SLC35F4: variants seen among roughly 807,000 people sequenced by gnomAD.
SLC35F4 encodes the protein solute carrier family 35 member F4, also known as chromosome 14 open reading frame 36.
SLC35F4 carries 24 observed loss-of-function variants against 44.2 expected under a neutral mutation model. That is an observed-to-expected ratio of 0.54 (90% CI 0.39 to 0.76). The LOEUF is 0.76. Ranked by LOEUF, SLC35F4 falls within the 30% of genes least tolerant of loss-of-function variation. SLC35F4 has a pLI of 0.00. For missense variants in SLC35F4, 562 were observed against 586.1 expected, an observed-to-expected ratio of 0.96 and a Z score of 0.42; for synonymous variants, 238 against 223.6, an observed-to-expected ratio of 1.06 and a Z score of -0.57.
chr14:57,897,240 G>C (rs573798698), intron 1 of SLC35F4, among the ~76,000 whole-genome samples: 3 of 152,178 alleles, frequency 2.0e-5, no homozygotes, highest in Admixed American at 1.3e-4. Context: ...AGTGTGTCAA[G>C]AGACTCCCTG....
chr14:57,917,753 C>T (rs1043365313), intron 1 of SLC35F4, among the ~76,000 whole-genome samples: 8 of 151,994 alleles, frequency 5.3e-5, no homozygotes, highest in African/African-American at 1.9e-4. Flanking sequence ...GAATATTGCA[C>T]GATGTTGAGG....
intron 4 of SLC35F4, among the ~76,000 whole-genome samples, chr14:57,573,926 G>A (rs2068647778): frequency 6.6e-6 from 1 of 152,202 alleles, no homozygotes; most frequent in Admixed American, 6.5e-5. Flanking sequence ...TAACAAAACT[G>A]TAAATCCTAA....
chr14:57,739,085 G>A, intron 1 of SLC35F4, among the ~76,000 whole-genome samples: 1 of 152,068 alleles, frequency 6.6e-6, no homozygotes, highest in East Asian at 1.9e-4. Flanking sequence ...AGACCCCCAT[G>A]GGAACATTCA....
At position 57,941,486 on chromosome 14, in the gene SLC35F4, A is replaced by C. The variant is rs182286016; in HGVS notation, n.282+40427T>G. Among the ~76,000 whole-genome samples, 419 of 152,322 alleles carry C rather than the reference A, an allele frequency of 2.8e-3. 2 individuals carry two copies. Among genetic ancestry groups the C allele is most frequent in the Middle Eastern group, 6.8e-3 (2 of 294 alleles). ...TTTATATGAAATTTTGAGAATAGGT[A>C]AATACATAGATGCAGAAAATAGATT... On this transcript the variant is annotated intron_variant and non_coding_transcript_variant, in intron 1 of 1. Coordinates refer to the SLC35F4 transcript ENST00000556568.
chr14:57,783,999 G>A, intron 1 of SLC35F4, among the ~76,000 whole-genome samples: 1 of 152,166 alleles, frequency 6.6e-6, no homozygotes, highest in East Asian at 1.9e-4. Context: ...ATAAATTCCT[G>A]CTGAAAAAAC....
intron 1 of SLC35F4, among the ~76,000 whole-genome samples, chr14:57,742,587 C>T (rs572078776): frequency 7.9e-5 from 12 of 152,228 alleles, no homozygotes; most frequent in African/African-American, 1.2e-4. Flanking sequence ...TTCTTAGAGA[C>T]GTACAAAGAG....
chr14:57,776,665 CAAAAA>C (rs57272978), intron 1 of SLC35F4, among the ~76,000 whole-genome samples: 83 of 72,068 alleles, frequency 1.2e-3, no homozygotes, highest in Admixed American at 0.01. Flanking sequence ...GACTCCATCT[CAAAAA>C]AAAAAAAAAA....
At chr14:57,977,212 A>C (rs2141098671) in intron 1 of SLC35F4, among the ~76,000 whole-genome samples, 1 of 152,312 alleles carries the variant, frequency 6.6e-6, no homozygotes, top group Non-Finnish European at 1.5e-5. Context: ...GCTCTAATTT[A>C]TATAACTAGA....
At chr14:57,740,600 T>C (rs1419179094) in intron 1 of SLC35F4, among the ~76,000 whole-genome samples, 1 of 152,154 alleles carries the variant, frequency 6.6e-6, no homozygotes, top group Non-Finnish European at 1.5e-5. Flanking sequence ...AGGGTAACTA[T>C]AGTTTACGAG....
intron 1 of SLC35F4, among the ~76,000 whole-genome samples, chr14:57,697,840 T>C (rs1032188254): frequency 7.9e-5 from 12 of 152,196 alleles, no homozygotes; most frequent in African/African-American, 2.9e-4. Flanking sequence ...TATGGGTGTA[T>C]ACATATAGAC....
intron 1 of SLC35F4, among the ~76,000 whole-genome samples, chr14:57,672,847 G>C (rs972696658): frequency 2.6e-5 from 4 of 151,774 alleles, no homozygotes; most frequent in African/African-American, 9.7e-5. Flanking sequence ...CACTGGCAAA[G>C]TCTGAATCCT....
intron 1 of SLC35F4, among the ~76,000 whole-genome samples, chr14:57,758,765 C>G (rs1249831039): frequency 1.3e-5 from 2 of 151,906 alleles, no homozygotes; most frequent in African/African-American, 2.4e-5. Context: ...CTGTAAAAAC[C>G]CTTAACATGA....
intron 1 of SLC35F4, among the ~76,000 whole-genome samples, chr14:57,702,214 C>T (rs953754780): frequency 6.6e-6 from 1 of 151,848 alleles, no homozygotes; most frequent in African/African-American, 2.4e-5. Flanking sequence ...AAGTAATCCT[C>T]TTGTATTTTC....
intron 1 of SLC35F4, among the ~76,000 whole-genome samples, chr14:57,957,945 T>C (rs1485790890): frequency 6.6e-6 from 1 of 152,234 alleles, no homozygotes; most frequent in African/African-American, 2.4e-5. Flanking sequence ...ATTCACGAAT[T>C]CAGTGTTTGC....
intron 1 of SLC35F4, 58 bp from the exon 2 acceptor site, chr14:57,594,182 TTTA>T: frequency 6.9e-7 from 1 of 1,447,668 alleles, no homozygotes; most frequent in South Asian, 1.3e-5. Context: ...GGAAGTAGAT[TTTA>T]TTATTTATTT....
chr14:57,963,712 CTTTTTT>C (rs68101912), intron 1 of SLC35F4, among the ~76,000 whole-genome samples: 2 of 31,292 alleles, frequency 6.4e-5, no homozygotes, highest in Non-Finnish European at 1.3e-4. Context: ...ATTCTAGCTC[CTTTTTT>C]TTTTTTTTTT....
At chr14:57,666,473 G>GA (rs574811419) in intron 1 of SLC35F4, among the ~76,000 whole-genome samples, 6 of 152,150 alleles carry the variant, frequency 3.9e-5, no homozygotes, top group Non-Finnish European at 7.3e-5. Flanking sequence ...AATGAGTTGG[G>GA]AAAAGAGTTC....
intron 1 of SLC35F4, among the ~76,000 whole-genome samples, chr14:57,843,055 A>AG (rs543499289): frequency 1.2e-4 from 19 of 152,186 alleles, no homozygotes; most frequent in Non-Finnish European, 2.4e-4. Flanking sequence ...GTGATTTGCC[A>AG]GGGGCTATCG....
intron 1 of SLC35F4, among the ~76,000 whole-genome samples, chr14:57,742,246 G>A (rs1286376360): frequency 2.0e-5 from 3 of 152,266 alleles, no homozygotes; most frequent in South Asian, 2.1e-4. Flanking sequence ...ATGTAAATGG[G>A]CTAAATGCTC....
Sources: allele counts gnomAD v4.1 joint callset (sites outside exome capture counted in the v4.1 genomes callset), GRCh38; gene constraint gnomAD v4.1.1; transcripts MANE v1.5; gene names NCBI Gene and HGNC (gene_info 2026-07-23, HGNC 2026-07-21).